The following TNPO3 variants were observed in gnomAD, a reference collection of about 807,000 sequenced individuals.
TNPO3 encodes the protein transportin-3.
TNPO3 carries 65 observed loss-of-function variants against 122.8 expected under a neutral mutation model. The ratio of observed to expected loss-of-function variants is 0.53; its 90% CI spans 0.43 to 0.65. The LOEUF is 0.65. Ranked by LOEUF, TNPO3 falls within the 30% of genes least tolerant of loss-of-function variation. TNPO3 has a pLI of 0.00. For missense variants in TNPO3, 850 were observed against 1,136.7 expected (o/e 0.75, Z 3.63); for synonymous variants, 372 against 411.2 (o/e 0.90, Z 1.15).
intron 1 of TNPO3, among the ~76,000 whole-genome samples, chr7:129,025,260 G>A (rs1028965268): frequency 3.4e-5 from 5 of 148,408 alleles, no homozygotes; most frequent in Non-Finnish European, 7.4e-5. Flanking sequence ...TGAGGCAGGA[G>A]AACTGCTTGA....
At chr7:129,045,548 CAA>C (rs5887408) in intron 1 of TNPO3, among the ~76,000 whole-genome samples, 1 of 144,252 alleles carries the variant, frequency 6.9e-6, no homozygotes, top group Admixed American at 6.9e-5. Context: ...TGTTTTGCCA[CAA>C]AAAAAAAAAA....
chr7:129,006,359 A>G (rs566855364), intron 4 of TNPO3, among the ~76,000 whole-genome samples: 1 of 152,358 alleles, frequency 6.6e-6, no homozygotes, highest in Admixed American at 6.5e-5. Flanking sequence ...ATACCACTGT[A>G]TATTTCCACA....
At chr7:129,019,219 T>C (rs1276959758) in intron 1 of TNPO3, among the ~76,000 whole-genome samples, 4 of 152,202 alleles carry the variant, frequency 2.6e-5, no homozygotes, top group African/African-American at 4.8e-5. Context: ...GTGCAGTAGA[T>C]TGTAGACAAC....
chr7:129,022,816 T>C (rs577632831), intron 1 of TNPO3, among the ~76,000 whole-genome samples: 35 of 152,294 alleles, frequency 2.3e-4, no homozygotes, highest in African/African-American at 7.7e-4. Flanking sequence ...AAACTGTTAC[T>C]TGCAAAAATG....
chr7:129,009,129 G>T (rs762039619), intron 4 of TNPO3, among the ~76,000 whole-genome samples: 18 of 152,122 alleles, frequency 1.2e-4, no homozygotes, highest in Non-Finnish European at 2.4e-4. Flanking sequence ...CCAGTAAAAA[G>T]ATAGCAGGGA....
chr7:128,987,237 A>C (rs1030690912), intron 11 of TNPO3, among the ~76,000 whole-genome samples: 21 of 152,362 alleles, frequency 1.4e-4, no homozygotes, highest in African/African-American at 4.8e-4. Context: ...CCAGGTATTA[A>C]GAATATGGCA....
At position 128,970,172 on chromosome 7, in the gene TNPO3, C is replaced by A; in HGVS notation, c.2574G>T (p.Trp858Cys). ...YTLPDVAEVL[W>C]EIMQVDRPTF... is the part of the protein sequence containing the mutation. The stretch of plus-strand genomic sequence containing the variant: ...CCGGTCTGTCAACCTGCATGATCTC[C>A]CAGAGCACTTCAGCCACATCTGGTA... Residue 858 changes from tryptophan (W) to cysteine (C), a missense_variant, in exon 20 of 23, where the codon TGG becomes TGT. Coordinates refer to ENST00000265388, the MANE Select transcript of TNPO3 (RefSeq NM_012470.4). 2 of 1,614,128 alleles carry A rather than the reference C, an allele frequency of 1.2e-6. No individual in the cohort carries two copies. Among genetic ancestry groups the A allele is most frequent in the Non-Finnish European group, 1.7e-6 (2 of 1,180,008 alleles).
In TNPO3 at chr7:128,967,275, C is replaced by T. The variant is rs1370166904; in HGVS notation, c.2711+5G>A. ...ACCTCCTTAAGAACCCCCAGTATCA[C>T]TCACCTAGTGACTTGCTTGTGGAAG... On this transcript the variant is annotated splice_donor_5th_base_variant and intron_variant, in intron 21 of 22. Transcript: ENST00000265388. The T allele has an allele frequency of 1.3e-6, 2 of 1,576,456 alleles. No individual in the cohort carries two copies. Among genetic ancestry groups the T allele is most frequent in the Non-Finnish European group, 1.7e-6 (2 of 1,145,626 alleles).
chr7:129,047,571 TAGAGAA>T (rs1318298573), intron 1 of TNPO3, among the ~76,000 whole-genome samples: 2 of 152,120 alleles, frequency 1.3e-5, no homozygotes, highest in Non-Finnish European at 2.9e-5. Context: ...ATACAAATAT[TAGAGAA>T]AGAGAAAAGA....
chr7:129,052,319 G>A (rs920670762), intron 1 of TNPO3, among the ~76,000 whole-genome samples: 2 of 152,092 alleles, frequency 1.3e-5, no homozygotes, highest in African/African-American at 2.4e-5. Context: ...ATGTCCCTTC[G>A]GCTGAAAGTC....
At chr7:128,974,983 T>A in intron 17 of TNPO3, 21 bp from the exon 18 acceptor site, 1 of 1,597,700 alleles carries the variant, frequency 6.3e-7, no homozygotes, top group Non-Finnish European at 8.6e-7. Flanking sequence ...ACAGTGATTT[T>A]AAAAGAAATG....
chr7:128,957,158 C>A (rs1585317314), intron 22 of TNPO3, 66 bp downstream of exon 22: 2 of 1,381,628 alleles, frequency 1.4e-6, no homozygotes, highest in African/African-American at 1.4e-5. Context: ...TAAAACCTAT[C>A]CCCATTCCCA....
Position 129,005,238 on chromosome 7 carries a change from A to C in TNPO3, c.553-79T>G, listed in dbSNP as rs11768572. ...ATTATTTCAATCACCTTACAAGTATAATAATGAGAAAGATGGCAATAAAAC... is the reference window on the plus strand; with the variant it reads ...ATTATTTCAATCACCTTACAAGTATCATAATGAGAAAGATGGCAATAAAAC... On this transcript the variant is annotated intron_variant, in intron 4 of 22. Transcript: ENST00000265388. The C allele has an allele frequency of 0.35, 449,446 of 1,295,496 alleles. 81,231 individuals carry two copies. Among genetic ancestry groups the C allele is most frequent in the Non-Finnish European group, 0.37 (352,182 of 956,588 alleles). 80.3% of individuals were successfully genotyped at this position (1,295,496 alleles called of 1,614,324 possible).
intron 16 of TNPO3, among the ~76,000 whole-genome samples, chr7:128,978,526 G>A (rs777738029): frequency 1.3e-4 from 20 of 152,182 alleles, no homozygotes; most frequent in Non-Finnish European, 2.8e-4. Flanking sequence ...ATACAGAAGC[G>A]ATTTTAGGCT....
intron 1 of TNPO3, among the ~76,000 whole-genome samples, chr7:129,046,872 C>G (rs1244699382): frequency 6.6e-6 from 1 of 152,140 alleles, no homozygotes; most frequent in African/African-American, 2.4e-5. Flanking sequence ...TTCACTACCA[C>G]AAGAACAGTA....
chr7:129,027,589 A>AAC (rs1805384777), intron 1 of TNPO3, among the ~76,000 whole-genome samples: 5 of 77,492 alleles, frequency 6.5e-5, no homozygotes, highest in African/African-American at 2.3e-4. Flanking sequence ...AAAAAAAAAA[A>AAC]AACAACACAA....
intron 4 of TNPO3, among the ~76,000 whole-genome samples, chr7:129,013,489 C>T (rs974953023): frequency 2.0e-5 from 3 of 150,964 alleles, no homozygotes; most frequent in Non-Finnish European, 2.9e-5. Flanking sequence ...ATAGCAAATG[C>T]TGGCAAGGAT....
At chr7:129,037,391 G>C (rs571369543) in intron 1 of TNPO3, among the ~76,000 whole-genome samples, 3 of 152,140 alleles carry the variant, frequency 2.0e-5, no homozygotes, top group African/African-American at 7.2e-5. Flanking sequence ...GCTCATCTAC[G>C]ACAGGACAGA....
chr7:129,025,397 A>AAAAAAAAAAAAAAAAAAAAAAAAAAAAC, intron 1 of TNPO3, among the ~76,000 whole-genome samples: 1 of 133,396 alleles, frequency 7.5e-6, no homozygotes, highest in South Asian at 2.5e-4. Flanking sequence ...AAAAAAAAAA[A>AAAAAAAAAAAAAAAAAAAAAAAAAAAAC]CCAGCTGGAC....
Sources: gnomAD v4.1 joint callset for allele counts (sites outside exome capture counted in the v4.1 genomes callset) on GRCh38, gnomAD v4.1.1 for gene constraint, MANE v1.5 for transcripts, NCBI Gene and HGNC (gene_info 2026-07-23, HGNC 2026-07-21) for gene names.